The following AHRR variants were observed in gnomAD, a reference collection of about 807,000 sequenced individuals.
AHRR encodes the protein ahR repressor.
AHRR carries 28 observed loss-of-function variants against 44.0 expected under a neutral mutation model. The observed-to-expected ratio is 0.64, with a 90% CI of 0.47 to 0.87. The LOEUF (loss-of-function observed/expected upper bound fraction) is 0.87. AHRR is among the 40% of genes least tolerant of loss of function. The pLI is 0.00. For missense variants in AHRR, 990 were observed against 953.9 expected, an observed-to-expected ratio of 1.04 and a Z score of -0.50; for synonymous variants, 434 against 407.0, an observed-to-expected ratio of 1.07 and a Z score of -0.80.
chr5:403,074 C>T (rs1175880573), intron 4 of AHRR, among the ~76,000 whole-genome samples: 4 of 152,162 alleles, frequency 2.6e-5, no homozygotes, highest in African/African-American at 4.8e-5. Flanking sequence ...AATGGACACG[C>T]ACTGTGGCTC....
intron 3 of AHRR, among the ~76,000 whole-genome samples, chr5:355,207 G>A (rs747812559): frequency 1.8e-4 from 28 of 152,226 alleles, no homozygotes; most frequent in Non-Finnish European, 2.9e-4. Flanking sequence ...GGGGTTTGCC[G>A]TATGTGCAGG....
At chr5:340,318 A>G (rs899593963) in intron 1 of AHRR, among the ~76,000 whole-genome samples, 2 of 152,070 alleles carry the variant, frequency 1.3e-5, no homozygotes, top group African/African-American at 4.8e-5. Context: ...TTGGGCTGCC[A>G]TAACAAACTA....
intron 4 of AHRR, among the ~76,000 whole-genome samples, chr5:398,301 C>T (rs1008423788): frequency 6.6e-5 from 10 of 152,054 alleles, no homozygotes; most frequent in African/African-American, 2.4e-4. Context: ...GTGTTAGCCC[C>T]TGACCTTCCG....
intron 3 of AHRR, among the ~76,000 whole-genome samples, chr5:363,495 T>A (rs575761036): frequency 6.6e-6 from 1 of 152,320 alleles, no homozygotes; most frequent in South Asian, 2.1e-4. Context: ...TGGGCAGGAT[T>A]TAAGACATCC....
At chr5:401,861 A>G (rs1384172336) in intron 4 of AHRR, among the ~76,000 whole-genome samples, 1 of 152,240 alleles carries the variant, frequency 6.6e-6, no homozygotes, top group African/African-American at 2.4e-5. Flanking sequence ...CTCCGTTGAC[A>G]GGTGGGTGGG....
chr5:427,891 T>A lies in AHRR; in HGVS notation c.793T>A (p.Ser265Thr), dbSNP rs1369836136. ...PSGAMLPPRLSLFCIAAPVLL... is the reference protein window; with the variant it reads ...PSGAMLPPRLTLFCIAAPVLL... The stretch of plus-strand genomic sequence containing the variant: ...AGGAGCCATGCTCCCGCCGCGGCTG[T>A]CGCTGTTCTGCATTGCGGCACCCGT... Residue 265 changes from serine (S) to threonine (T), a missense_variant, in exon 8 of 11, where the codon TCG becomes ACG. Physicochemically the swap from Ser to Thr is moderately conservative, Grantham distance 58. Transcript: ENST00000684583. The A allele has an allele frequency of 1.2e-6, 2 of 1,614,130 alleles. No homozygotes were observed. Among genetic ancestry groups the A allele is most frequent in the Non-Finnish European group, 1.7e-6 (2 of 1,180,034 alleles).
At chr5:336,489 G>T (rs1347556264) in intron 1 of AHRR, among the ~76,000 whole-genome samples, 1 of 152,070 alleles carries the variant, frequency 6.6e-6, no homozygotes, top group African/African-American at 2.4e-5. Flanking sequence ...TTTAAAATTG[G>T]GTTGTCTTTT....
chr5:353,965 T>TGGACTCAGGG, intron 3 of AHRR, 54 bp downstream of exon 3: 1 of 1,541,836 alleles, frequency 6.5e-7, no homozygotes, highest in Non-Finnish European at 8.8e-7. Context: ...GTGTCTCCCC[T>TGGACTCAGGG]GAGTCCATCT....
chr5:324,025 C>CTTTCTT lies in AHRR; in HGVS notation c.-11+2207_-11+2208insTTCTTT, dbSNP rs745777700. 8.4e-3 allele frequency among the ~76,000 whole-genome samples: 1,129 copies of CTTTCTT among 134,658 alleles called. 10 individuals carry two copies. The highest frequency in any genetic ancestry group is 0.012 in the South Asian group (58 of 4,656). 88.3% of individuals were successfully genotyped at this position (134,658 alleles called of 152,430 possible). A position where few individuals can be genotyped will look rare whatever the true frequency, so the allele number is the denominator to read the frequency against. On this transcript the variant is annotated intron_variant, in intron 1 of 10. Coordinates refer to ENST00000684583, the MANE Select transcript of AHRR (RefSeq NM_001377236.1). ...TTTTTCTCTTTCTTTCTTTCTTTCTCTCTCTCTCTCTGTCTCTCTTTCTCT... is the reference window on the plus strand; with the variant it reads ...TTTTTCTCTTTCTTTCTTTCTTTCTCTTTCTTTCTCTCTCTCTGTCTCTCTTTCTCT...
Position 434,114 on chromosome 5 carries a change from T to G in AHRR, c.1374T>G (p.Ser458Arg), listed in dbSNP as rs757885115. The change falls in exon 11 of 11, where the codon AGT becomes AGG. Residue 458 changes from serine to arginine, a missense_variant. Transcript: ENST00000684583. Reference protein sequence around the residue: ...PISHPPSPSPSAYSSRTSRPM... With the variant: ...PISHPPSPSPRAYSSRTSRPM... ...CTCACCCGCCGAGCCCGTCCCCCAG[T>G]GCCTACTCCAGCCGGACCAGCAGAC... 1 of 1,612,988 alleles carries G rather than the reference T, an allele frequency of 6.2e-7. No individual in the cohort carries two copies. Among genetic ancestry groups the G allele is most frequent in the East Asian group, 2.2e-5 (1 of 44,870 alleles).
At chr5:397,743 T>C (rs1360228698) in intron 4 of AHRR, among the ~76,000 whole-genome samples, 10 of 75,652 alleles carry the variant, frequency 1.3e-4, no homozygotes, top group Non-Finnish European at 2.3e-4. Flanking sequence ...TCCACGTAGC[T>C]CCTGACCGTC....
chr5:416,123 C>T (rs977487796), intron 5 of AHRR, among the ~76,000 whole-genome samples: 7 of 152,192 alleles, frequency 4.6e-5, no homozygotes, highest in Non-Finnish European at 7.3e-5. Flanking sequence ...CTCGTCAGCA[C>T]GCCTGGGCTG....
chr5:345,504 G>T (rs1742630273), intron 2 of AHRR, among the ~76,000 whole-genome samples: 2 of 97,028 alleles, frequency 2.1e-5, no homozygotes, highest in Admixed American at 1.0e-4. Flanking sequence ...GTATGTGGGG[G>T]GGAGGGGGTG....
chr5:367,407 C>T (rs557357062), intron 3 of AHRR, among the ~76,000 whole-genome samples: 1 of 152,334 alleles, frequency 6.6e-6, no homozygotes, highest in African/African-American at 2.4e-5. Context: ...ATAAGAATAA[C>T]CAACACCTTC....
chr5:429,600 G>T (rs1736632319), intron 8 of AHRR, among the ~76,000 whole-genome samples: 1 of 152,210 alleles, frequency 6.6e-6, no homozygotes, highest in Non-Finnish European at 1.5e-5. Flanking sequence ...TGCAGGCCCA[G>T]GCCCTGGTAA....
intron 9 of AHRR, 137 bp from the exon 10 acceptor site, chr5:432,669 C>G (rs1736786133): frequency 1.3e-6 from 2 of 1,516,170 alleles, no homozygotes; most frequent in Admixed American, 3.5e-5. Context: ...CTGCTGTGGA[C>G]AAGTGCCGTT....
chr5:432,675 C>T, intron 9 of AHRR, 131 bp from the exon 10 acceptor site: 1 of 1,527,224 alleles, frequency 6.5e-7, no homozygotes, highest in South Asian at 1.1e-5. Flanking sequence ...TGGACAAGTG[C>T]CGTTCCTGGG....
Position 347,271 on chromosome 5 carries a change from G to C in AHRR, c.62+3307G>C, listed in dbSNP as rs1742710439. Among the ~76,000 whole-genome samples, 5 of 152,108 alleles carry C rather than the reference G, an allele frequency of 3.3e-5. No homozygotes were observed. The South Asian group carries it at 1.0e-3, about 32-fold the overall frequency. On this transcript the variant is annotated intron_variant, in intron 2 of 10. Coordinates refer to ENST00000684583, the MANE Select transcript of AHRR (RefSeq NM_001377236.1). Reference sequence around the variant, plus strand: ...TGATTTGTAAGAACTTGGAAACTAGGGAAATTAATTTTTGAATGGGTTTCA... The same window carrying C: ...TGATTTGTAAGAACTTGGAAACTAGCGAAATTAATTTTTGAATGGGTTTCA...
intron 4 of AHRR, among the ~76,000 whole-genome samples, chr5:402,517 C>T (rs1304470692): frequency 6.7e-6 from 1 of 150,296 alleles, no homozygotes; most frequent in African/African-American, 2.5e-5. Flanking sequence ...GGCGGGAAGG[C>T]AGTCGTTGAT....
Sources: allele counts gnomAD v4.1 joint callset (sites outside exome capture counted in the v4.1 genomes callset), GRCh38; gene constraint gnomAD v4.1.1; transcripts MANE v1.5; gene names NCBI Gene and HGNC (gene_info 2026-07-23, HGNC 2026-07-21).